The following PLCL2 variants were observed in gnomAD, a reference collection of about 807,000 sequenced individuals.
PLCL2 encodes inactive phospholipase C-like protein 2.
In PLCL2, 4 loss-of-function variants were observed where a neutral mutation model predicts 79.6. That is an observed-to-expected ratio of 0.05 (90% CI 0.02 to 0.11). The LOEUF (loss-of-function observed/expected upper bound fraction) is 0.11, where lower values mean the gene tolerates loss of function less well. Among genes scored for constraint, PLCL2 ranks in the 10% least tolerant of loss-of-function variants. The pLI, the probability that PLCL2 is intolerant of heterozygous loss-of-function variation, is 1.00. For synonymous variants in PLCL2, 484 were observed against 457.7 expected (o/e 1.06, Z -0.73); for missense variants, 895 against 1,291.0 (o/e 0.69, Z 4.70).
intron 5 of PLCL2, among the ~76,000 whole-genome samples, chr3:17,088,251 C>T (rs1485361079): frequency 6.6e-6 from 1 of 152,152 alleles, no homozygotes; most frequent in Non-Finnish European, 1.5e-5. Context: ...AGTCCCTACC[C>T]ATTGCTCTCT....
chr3:16,892,958 T>A (rs1413020781), intron 1 of PLCL2, among the ~76,000 whole-genome samples: 1 of 152,238 alleles, frequency 6.6e-6, no homozygotes, highest in African/African-American at 2.4e-5. Flanking sequence ...ATGACTTTGA[T>A]TTTTTCTTTC....
intron 1 of PLCL2, among the ~76,000 whole-genome samples, chr3:16,995,708 A>G (rs2064146964): frequency 6.6e-6 from 1 of 152,128 alleles, no homozygotes; most frequent in Non-Finnish European, 1.5e-5. Context: ...TTTTTTTTCC[A>G]TTGACAAGTA....
intron 1 of PLCL2, among the ~76,000 whole-genome samples, chr3:16,926,762 G>A (rs1347272124): frequency 1.3e-5 from 2 of 151,860 alleles, no homozygotes; most frequent in Non-Finnish European, 2.9e-5. Context: ...CTCCCGAGTA[G>A]CTGAGACTAC....
chr3:16,917,551 A>G lies in PLCL2; in HGVS notation c.327+32185A>G, dbSNP rs542622144. 9.3e-4 allele frequency among the ~76,000 whole-genome samples: 141 copies of G among 152,180 alleles called. 1 individual carries two copies. Among genetic ancestry groups the G allele is most frequent in the Admixed American group, 3.8e-3 (58 of 15,284 alleles). On this transcript the variant is annotated intron_variant, in intron 1 of 5. Coordinates refer to ENST00000615277, the MANE Select transcript of PLCL2 (RefSeq NM_001144382.2). ...CACTTCCAGGATGGCTTCCATACTCACATGTTGGGTACCTTTGCAGGGATA... is the reference window on the plus strand; with the variant it reads ...CACTTCCAGGATGGCTTCCATACTCGCATGTTGGGTACCTTTGCAGGGATA...
At chr3:17,056,754 C>A (rs2064895889) in intron 4 of PLCL2, among the ~76,000 whole-genome samples, 1 of 152,116 alleles carries the variant, frequency 6.6e-6, no homozygotes. Context: ...AATGTCTATA[C>A]CATCATGGAA....
chr3:17,035,984 AT>A lies in PLCL2; in HGVS notation c.3019-6887del, dbSNP rs2064648367. Among the ~76,000 whole-genome samples the A allele has an allele frequency of 6.6e-5, 10 of 152,264 alleles. 1 individual carries two copies. The highest frequency in any genetic ancestry group is 2.4e-4 in the African/African-American group (10 of 41,562). On this transcript the variant is annotated intron_variant, in intron 3 of 5. Transcript: ENST00000615277. ...TATATAGGGTTTTTTCCCCCCTATAATTTGCGTAGTGGAAGATGTGGTAGTG... is the reference window on the plus strand; with the variant it reads ...TATATAGGGTTTTTTCCCCCCTATAATTGCGTAGTGGAAGATGTGGTAGTG...
At chr3:17,077,565 G>A (rs965212659) in intron 5 of PLCL2, among the ~76,000 whole-genome samples, 1 of 152,184 alleles carries the variant, frequency 6.6e-6, no homozygotes, top group Non-Finnish European at 1.5e-5. Flanking sequence ...GCTTAATCAA[G>A]ACTTCCTCTA....
chr3:16,969,552 G>T (rs910958808), intron 1 of PLCL2, among the ~76,000 whole-genome samples: 10 of 151,832 alleles, frequency 6.6e-5, no homozygotes, highest in African/African-American at 2.4e-4. Context: ...TAGTCTCTGA[G>T]GGGTTTTTTG....
chr3:17,082,484 T>C (rs2065174539), intron 5 of PLCL2, among the ~76,000 whole-genome samples: 1 of 152,126 alleles, frequency 6.6e-6, no homozygotes, highest in Non-Finnish European at 1.5e-5. Context: ...ATCTTAAACA[T>C]GTAGTCTTAG....
chr3:16,930,610 G>C (rs940132073), intron 1 of PLCL2, among the ~76,000 whole-genome samples: 1 of 152,066 alleles, frequency 6.6e-6, no homozygotes, highest in Non-Finnish European at 1.5e-5. Flanking sequence ...GCCTCTGTTC[G>C]TCTCTAAGAA....
At chr3:16,963,796 T>C (rs2063777958) in intron 1 of PLCL2, among the ~76,000 whole-genome samples, 1 of 152,162 alleles carries the variant, frequency 6.6e-6, no homozygotes, top group African/African-American at 2.4e-5. Flanking sequence ...ATTTTTTTTT[T>C]TTTCTCAAGT....
At chr3:16,895,078 AGATAT>A (rs1696445754) in intron 1 of PLCL2, among the ~76,000 whole-genome samples, 1 of 142,862 alleles carries the variant, frequency 7.0e-6, no homozygotes, top group African/African-American at 2.5e-5. Context: ...ATATAGATAT[AGATAT>A]ATGTTGAAAC....
intron 1 of PLCL2, among the ~76,000 whole-genome samples, chr3:16,993,716 T>C (rs1355266374): frequency 2.6e-5 from 4 of 152,252 alleles, no homozygotes; most frequent in African/African-American, 9.6e-5. Flanking sequence ...AATACTTTTA[T>C]GTAAAATCTA....
At chr3:16,992,133 G>A (rs867605016) in intron 1 of PLCL2, among the ~76,000 whole-genome samples, 1 of 152,170 alleles carries the variant, frequency 6.6e-6, no homozygotes, top group African/African-American at 2.4e-5. Context: ...TAATATATTA[G>A]TGTTTTGACT....
intron 1 of PLCL2, among the ~76,000 whole-genome samples, chr3:16,997,812 A>G (rs1298924516): frequency 6.6e-6 from 1 of 152,188 alleles, no homozygotes; most frequent in African/African-American, 2.4e-5. Flanking sequence ...TGCTGGGATT[A>G]CAGGCATGAG....
intron 4 of PLCL2, among the ~76,000 whole-genome samples, chr3:17,049,687 T>TA (rs920487275): frequency 6.6e-6 from 1 of 151,736 alleles, no homozygotes; most frequent in Non-Finnish European, 1.5e-5. Flanking sequence ...AGGGCACACA[T>TA]AAAAAAATGG....
rs1404876578 is a variant in PLCL2 at position 16,925,166 on chromosome 3, G to A, written c.327+39800G>A. On this transcript the variant is annotated intron_variant, in intron 1 of 5. Coordinates refer to ENST00000615277, the MANE Select transcript of PLCL2 (RefSeq NM_001144382.2). ...TCTCAATCTCCTGACCTCGTGATCCGCCCACCTCAGCCTCCCAAAGTGCTG... is the reference window on the plus strand; with the variant it reads ...TCTCAATCTCCTGACCTCGTGATCCACCCACCTCAGCCTCCCAAAGTGCTG... 3.2e-4 allele frequency among the ~76,000 whole-genome samples: 48 copies of A among 150,928 alleles called. 1 individual carries two copies. The highest frequency in any genetic ancestry group is 3.4e-4 in the African/African-American group (14 of 41,170).
chr3:17,080,088 T>C (rs183785553), intron 5 of PLCL2, among the ~76,000 whole-genome samples: 73 of 152,262 alleles, frequency 4.8e-4, no homozygotes, highest in African/African-American at 1.5e-3. Flanking sequence ...CTTCCTGCTG[T>C]GGGGAGACAA....
intron 5 of PLCL2, among the ~76,000 whole-genome samples, chr3:17,083,484 G>A (rs1158524412): frequency 1.3e-5 from 2 of 152,170 alleles, no homozygotes; most frequent in Non-Finnish European, 2.9e-5. Flanking sequence ...CAAGGACTTT[G>A]ACTCTCACTC....
Sources: allele counts gnomAD v4.1 joint callset (sites outside exome capture counted in the v4.1 genomes callset), GRCh38; gene constraint gnomAD v4.1.1; transcripts MANE v1.5; gene names NCBI Gene and HGNC (gene_info 2026-07-23, HGNC 2026-07-21).